Variants in SLC6A2 observed in about 807,000 individuals in gnomAD.
SLC6A2 encodes solute carrier family 6 member 2.
Under a neutral mutation model 71.7 loss-of-function variants are expected in SLC6A2, and 26 were observed. The observed-to-expected ratio is 0.36, with a 90% CI of 0.27 to 0.50. The LOEUF (loss-of-function observed/expected upper bound fraction) is 0.50, where lower values mean the gene tolerates loss of function less well. Among genes scored for constraint, SLC6A2 ranks in the 20% least tolerant of loss-of-function variants. SLC6A2 has a pLI of 0.96. For synonymous variants in SLC6A2, 363 were observed against 337.9 expected (o/e 1.07, Z -0.82); for missense variants, 581 against 803.9 (o/e 0.72, Z 3.35).
chr16:55,705,772 T>C lies in SLC6A2; in HGVS notation c.*3426T>C, dbSNP rs1346046106. On this transcript the variant is annotated 3_prime_UTR_variant, in exon 15 of 15. Transcript: ENST00000568943. ...ACCAGTGATCTCTCTATCAGAGAAA[T>C]GTCAGATTTCTAGCCTCCAGAACTT... 6.6e-6 allele frequency: 1 copy of C among 152,440 alleles called. No individual in the cohort carries two copies. Among genetic ancestry groups the C allele is most frequent in the Non-Finnish European group, 1.5e-5 (1 of 68,186 alleles). The allele number at this position is 152,440 out of a possible 1,614,324, so 9.4% of individuals were successfully genotyped here. A position where few individuals can be genotyped will look rare whatever the true frequency, so the allele number is the denominator to read the frequency against.
Position 55,669,675 on chromosome 16 carries a change from A to G in SLC6A2, c.385A>G (p.Lys129Glu). 6.2e-6 allele frequency: 10 copies of G among 1,614,134 alleles called. No homozygotes were observed. Among genetic ancestry groups the G allele is most frequent in the Non-Finnish European group, 7.6e-6 (9 of 1,180,024 alleles). The change falls in exon 3 of 15, where the codon AAA (lysine) becomes GAA (glutamate). Residue 129 changes from lysine to glutamate, a missense_variant. Coordinates refer to ENST00000568943, the MANE Select transcript of SLC6A2 (RefSeq NM_001172501.3). ...CCGGGAGGGGGCTGCCACCGTTTGGAAAATCTGCCCATTCTTCAAAGGTAA... is the reference window on the plus strand; with the variant it reads ...CCGGGAGGGGGCTGCCACCGTTTGGGAAATCTGCCCATTCTTCAAAGGTAA... The part of the protein sequence containing the change: ...YNREGAATVW[K>E]ICPFFKGVGY...
intron 4 of SLC6A2, among the ~76,000 whole-genome samples, chr16:55,681,728 A>C (rs567425083): frequency 1.3e-5 from 2 of 152,234 alleles, no homozygotes; most frequent in African/African-American, 2.4e-5. Context: ...ATCTTCCTGC[A>C]TCATTCGGGA....
In SLC6A2 at chr16:55,656,382, G is replaced by A; in HGVS notation, c.-52+213G>A. ...GTTCAATCCCAGCCATTTGGGGCAGGCGAGAGTGGGTGAACGAGGAAAAGT... is the reference window on the plus strand; with the variant it reads ...GTTCAATCCCAGCCATTTGGGGCAGACGAGAGTGGGTGAACGAGGAAAAGT... On this transcript the variant is annotated intron_variant, in intron 1 of 14. Coordinates refer to ENST00000568943, the MANE Select transcript of SLC6A2 (RefSeq NM_001172501.3). This position sits in a 1 kb window ranked among gnomAD's most constrained non-coding sequence, Gnocchi z 4.5. 1 of 474,282 alleles carries A rather than the reference G, an allele frequency of 2.1e-6. No individual in the cohort carries two copies. The highest frequency in any genetic ancestry group is 3.9e-6 in the Non-Finnish European group (1 of 258,128). The allele number at this position is 474,282 out of a possible 1,614,324, so 29.4% of individuals were successfully genotyped here.
In SLC6A2 at chr16:55,683,256, T is replaced by A. The variant is rs144762801; in HGVS notation, c.645-1887T>A. On this transcript the variant is annotated intron_variant, in intron 4 of 14. Transcript: ENST00000568943. ...TCAATTCTCTTTATCATTTCTTCAT[T>A]GTAGATTGTACAAGGGACCCCAATA... Among the ~76,000 whole-genome samples the A allele has an allele frequency of 1.7e-4, 26 of 152,280 alleles. No individual in the cohort carries two copies. The East Asian group carries it at 4.6e-3, about 27-fold the overall frequency.
At chr16:55,671,787 G>A in intron 3 of SLC6A2, 151 bp from the exon 4 acceptor site, 1 of 1,463,038 alleles carries the variant, frequency 6.8e-7, no homozygotes, top group Non-Finnish European at 9.1e-7. Context: ...CCATGCGACA[G>A]GTCACTGGTG....
chr16:55,698,490 C>G lies in SLC6A2; in HGVS notation c.1411C>G (p.Leu471Val). The change falls in exon 11 of 15, where the codon CTC (leucine) becomes GTC (valine). Residue 471 changes from leucine to valine, a missense_variant. Around this residue, in one of 5 missense-constraint regions of SLC6A2, gnomAD observed 334 missense variants for 449.0 expected, o/e 0.74. Transcript: ENST00000568943. ...CCAGGGTGGAATTTACGTCTTGACC[C>G]TCCTGGACACCTTTGCTGCGGGCAC... is the stretch of plus-strand genomic sequence containing the variant. ...ITKGGIYVLTLLDTFAAGTSI... is the reference protein window; with the variant it reads ...ITKGGIYVLTVLDTFAAGTSI... 6.2e-7 allele frequency: 1 copy of G among 1,613,960 alleles called. No individual in the cohort carries two copies. The highest frequency in any genetic ancestry group is 8.5e-7 in the Non-Finnish European group (1 of 1,179,820).
At position 55,669,801 on chromosome 16, in the gene SLC6A2, T is replaced by C. The variant is rs145335891; in HGVS notation, c.406+105T>C. The C allele has an allele frequency of 9.0e-4, 1,158 of 1,281,954 alleles. 12 individuals carry two copies. The African/African-American group carries it at 0.015, about 17-fold the overall frequency. 79.4% of individuals were successfully genotyped at this position (1,281,954 alleles called of 1,614,324 possible). On this transcript the variant is annotated intron_variant, in intron 3 of 14. Coordinates refer to ENST00000568943, the MANE Select transcript of SLC6A2 (RefSeq NM_001172501.3). ...GATCTAAGGTAGACCTCCTGTCATG[T>C]GGGATTCACAGGTATTGACAAGGTC...
In SLC6A2 at chr16:55,698,587, A is replaced by G; in HGVS notation, c.1489+19A>G. On this transcript the variant is annotated intron_variant, in intron 11 of 14. Transcript: ENST00000568943. Reference sequence around the variant, plus strand: ...TTTTATGGTATGTGAGTGTGTGGAAAAGCCTCAGCTCCCAGTCCTCCTAGA... The same window carrying G: ...TTTTATGGTATGTGAGTGTGTGGAAGAGCCTCAGCTCCCAGTCCTCCTAGA... The G allele has an allele frequency of 1.3e-6, 2 of 1,538,016 alleles. No homozygotes were observed. The highest frequency in any genetic ancestry group is 1.8e-6 in the Non-Finnish European group (2 of 1,110,444).
chr16:55,701,819 T>A (rs1212269450), intron 13 of SLC6A2, 44 bp from the exon 14 acceptor site: 9 of 1,492,614 alleles, frequency 6.0e-6, no homozygotes, highest in Non-Finnish European at 7.5e-6. Context: ...CAGAAGGGTG[T>A]CCCTGGGCCA....
intron 5 of SLC6A2, among the ~76,000 whole-genome samples, chr16:55,686,813 G>A (rs572274109): frequency 1.8e-4 from 27 of 152,316 alleles, no homozygotes; most frequent in Non-Finnish European, 2.2e-4. Context: ...AAAGTCTAGC[G>A]TTGAGCAAAA....
chr16:55,690,869 AC>A (rs1159712251), intron 5 of SLC6A2, among the ~76,000 whole-genome samples: 7 of 151,714 alleles, frequency 4.6e-5, no homozygotes, highest in African/African-American at 1.7e-4. Flanking sequence ...CCTATATAAC[AC>A]CCCCATCCCT....
At chr16:55,682,133 C>T (rs576199341) in intron 4 of SLC6A2, among the ~76,000 whole-genome samples, 1 of 152,306 alleles carries the variant, frequency 6.6e-6, no homozygotes, top group South Asian at 2.1e-4. Flanking sequence ...TCTCGAACTC[C>T]TGACCTCAGG....
At chr16:55,659,884 A>G (rs1267939809) in intron 2 of SLC6A2, among the ~76,000 whole-genome samples, 1 of 152,214 alleles carries the variant, frequency 6.6e-6, no homozygotes, top group East Asian at 1.9e-4. Context: ...CACTTGTCAA[A>G]TGGAAATAAT....
At position 55,702,649 on chromosome 16, in the gene SLC6A2, G is replaced by A. The variant is rs151087909; in HGVS notation, c.*303G>A. The A allele has an allele frequency of 8.3e-5, 110 of 1,332,438 alleles. 1 individual carries two copies. The East Asian group carries it at 3.5e-3, about 42-fold the overall frequency. The allele number at this position is 1,332,438 out of a possible 1,614,324, so 82.5% of individuals were successfully genotyped here. A position where few individuals can be genotyped will look rare whatever the true frequency, so the allele number is the denominator to read the frequency against. On this transcript the variant is annotated 3_prime_UTR_variant, in exon 15 of 15. Coordinates refer to ENST00000568943, the MANE Select transcript of SLC6A2 (RefSeq NM_001172501.3). ...GATCCTGCTGAAGCTAGGTTCATGA[G>A]GTCGGAAATCCCCACCACATTTGCC...
chr16:55,659,684 C>T (rs185809966), intron 2 of SLC6A2, among the ~76,000 whole-genome samples: 46 of 152,308 alleles, frequency 3.0e-4, no homozygotes, highest in South Asian at 2.3e-3. Flanking sequence ...TAATGAAATG[C>T]TCCAAGCCCT....
intron 4 of SLC6A2, among the ~76,000 whole-genome samples, chr16:55,683,216 A>G (rs1386498746): frequency 1.3e-5 from 2 of 152,102 alleles, no homozygotes; most frequent in African/African-American, 2.4e-5. Context: ...TCATTAGCAA[A>G]CGGTCATTTT....
At position 55,700,245 on chromosome 16, in the gene SLC6A2, T is replaced by A; in HGVS notation, c.1697T>A (p.Met566Lys). Residue 566 changes from methionine (M) to lysine (K), a missense_variant, in exon 13 of 15, where the codon ATG becomes AAG. Physicochemically the swap from Met to Lys is moderately conservative, Grantham distance 95. Transcript: ENST00000568943. ...WVGWGIALSS[M>K]VLVPIYVIYK... is the part of the protein sequence containing the mutation. ...GGGTGGGGCATCGCCCTGTCCTCCA[T>A]GGTCCTGGTGCCCATCTACGTCATC... is the stretch of plus-strand genomic sequence containing the variant. 6.2e-7 allele frequency: 1 copy of A among 1,614,060 alleles called. No individual in the cohort carries two copies. Among genetic ancestry groups the A allele is most frequent in the Non-Finnish European group, 8.5e-7 (1 of 1,179,996 alleles).
intron 5 of SLC6A2, among the ~76,000 whole-genome samples, chr16:55,688,151 G>C (rs1965513562): frequency 6.6e-6 from 1 of 152,180 alleles, no homozygotes; most frequent in Non-Finnish European, 1.5e-5. Flanking sequence ...TTATAAACTG[G>C]CTTATGAGAA....
At chr16:55,665,736 C>T (rs1204110509) in intron 2 of SLC6A2, among the ~76,000 whole-genome samples, 1 of 152,136 alleles carries the variant, frequency 6.6e-6, no homozygotes, top group Non-Finnish European at 1.5e-5. Flanking sequence ...GCTGCTCCAG[C>T]ACATCCCACT....
Sources: allele counts gnomAD v4.1 joint callset (sites outside exome capture counted in the v4.1 genomes callset), GRCh38; gene constraint gnomAD v4.1.1; regional missense constraint gnomAD v4.1.1; non-coding constraint Gnocchi (gnomAD v3.1); transcripts MANE v1.5; gene names NCBI Gene and HGNC (gene_info 2026-07-23, HGNC 2026-07-21).